The following PLXDC2 variants were observed in gnomAD, a reference collection of about 807,000 sequenced individuals.
PLXDC2 encodes the protein plexin domain-containing protein 2.
Under a neutral mutation model 68.9 loss-of-function variants are expected in PLXDC2, and 40 were observed. The ratio of observed to expected loss-of-function variants is 0.58; its 90% CI spans 0.45 to 0.76. The LOEUF (loss-of-function observed/expected upper bound fraction) is 0.76, where lower values mean the gene tolerates loss of function less well. PLXDC2 is among the 30% of genes least tolerant of loss of function. The pLI, the probability that PLXDC2 is intolerant of heterozygous loss-of-function variation, is 0.00. For synonymous variants in PLXDC2, 243 were observed against 234.2 expected (o/e 1.04, Z -0.34); for missense variants, 644 against 661.9 (o/e 0.97, Z 0.30).
At chr10:19,917,351 AG>A (rs1437669623) in intron 1 of PLXDC2, among the ~76,000 whole-genome samples, 3 of 152,160 alleles carry the variant, frequency 2.0e-5, no homozygotes, top group East Asian at 3.9e-4. Flanking sequence ...AAGCTCAGCC[AG>A]GCTACCTTAT....
rs1836065289 is a variant in PLXDC2 at position 20,280,291 on chromosome 10, C to G, written c.*472C>G. The stretch of plus-strand genomic sequence containing the variant: ...AGCAATGATGAATGTCTCAAGATTG[C>G]TAAGAAAAACAGCCCATGCAAGAGT... On this transcript the variant is annotated 3_prime_UTR_variant, in exon 14 of 14. Coordinates refer to ENST00000377252, the MANE Select transcript of PLXDC2 (RefSeq NM_032812.9). The G allele has an allele frequency of 6.5e-6, 1 of 153,292 alleles. No homozygotes were observed. The highest frequency in any genetic ancestry group is 1.5e-5 in the Non-Finnish European group (1 of 68,624). The allele number at this position is 153,292 out of a possible 1,614,324, so 9.5% of individuals were successfully genotyped here.
intron 9 of PLXDC2, among the ~76,000 whole-genome samples, chr10:20,194,616 C>A (rs1488868921): frequency 6.6e-6 from 1 of 151,570 alleles, no homozygotes; most frequent in East Asian, 1.9e-4. Context: ...AAAGAAATAT[C>A]TTTTTTGAGG....
At chr10:20,232,688 A>C (rs1835381145) in intron 12 of PLXDC2, among the ~76,000 whole-genome samples, 2 of 152,204 alleles carry the variant, frequency 1.3e-5, no homozygotes, top group African/African-American at 4.8e-5. Flanking sequence ...AATCTACAAT[A>C]ATGGAAATCA....
intron 1 of PLXDC2, among the ~76,000 whole-genome samples, chr10:19,856,814 C>T (rs1004514688): frequency 2.0e-5 from 3 of 152,082 alleles, no homozygotes; most frequent in African/African-American, 7.2e-5. Context: ...ATTTCACAAG[C>T]GTTCTTAAAT....
chr10:20,164,765 C>G (rs749439322), intron 7 of PLXDC2, among the ~76,000 whole-genome samples, 198 bp downstream of exon 7: 1 of 152,098 alleles, frequency 6.6e-6, no homozygotes, highest in Non-Finnish European at 1.5e-5. Flanking sequence ...CAGGTAAAGA[C>G]AAATTAAATA....
chr10:20,001,230 T>C (rs987826499), intron 1 of PLXDC2, among the ~76,000 whole-genome samples: 6 of 152,344 alleles, frequency 3.9e-5, no homozygotes, highest in Admixed American at 2.0e-4. Context: ...GACTGGCTTG[T>C]AAGCTACAAG....
At chr10:20,273,705 T>C (rs1200619029) in intron 13 of PLXDC2, among the ~76,000 whole-genome samples, 1 of 152,096 alleles carries the variant, frequency 6.6e-6, no homozygotes, top group Non-Finnish European at 1.5e-5. Context: ...TGACTTGTAA[T>C]CTGTAGGTGG....
At chr10:20,233,617 A>C (rs1835393399) in intron 12 of PLXDC2, among the ~76,000 whole-genome samples, 1 of 152,078 alleles carries the variant, frequency 6.6e-6, no homozygotes, top group Admixed American at 6.6e-5. Flanking sequence ...GTTTCTAAGG[A>C]ATGTAGCTGG....
At chr10:20,207,007 A>T (rs1022717147) in intron 9 of PLXDC2, among the ~76,000 whole-genome samples, 1 of 152,094 alleles carries the variant, frequency 6.6e-6, no homozygotes, top group African/African-American at 2.4e-5. Flanking sequence ...TCACACACAC[A>T]TTCTTGTGCT....
chr10:20,126,381 A>G (rs1232414435), intron 4 of PLXDC2, among the ~76,000 whole-genome samples: 1 of 146,652 alleles, frequency 6.8e-6, no homozygotes, highest in Admixed American at 6.9e-5. Flanking sequence ...ATATATACAT[A>G]TGTGTTATAT....
intron 1 of PLXDC2, among the ~76,000 whole-genome samples, chr10:19,855,814 G>A (rs555498780): frequency 1.1e-3 from 170 of 152,268 alleles, no homozygotes; most frequent in Non-Finnish European, 1.9e-3. Flanking sequence ...GGCCGGGCTC[G>A]GTGGCTCACG....
intron 1 of PLXDC2, among the ~76,000 whole-genome samples, chr10:19,825,311 G>A (rs898617478): frequency 6.6e-6 from 1 of 152,148 alleles, no homozygotes; most frequent in Non-Finnish European, 1.5e-5. Flanking sequence ...TGGAGAGAAT[G>A]TTAAGAGTTT....
intron 5 of PLXDC2, among the ~76,000 whole-genome samples, chr10:20,146,981 A>G (rs1834089215): frequency 6.6e-6 from 1 of 152,344 alleles, no homozygotes; most frequent in Non-Finnish European, 1.5e-5. Context: ...TAGAGTGAAG[A>G]AAAAGTCTTA....
At chr10:20,195,218 C>T (rs1279312111) in intron 9 of PLXDC2, among the ~76,000 whole-genome samples, 1 of 152,076 alleles carries the variant, frequency 6.6e-6, no homozygotes, top group Admixed American at 6.6e-5. Context: ...GTCTATCTCT[C>T]CTCCATTGAA....
chr10:20,200,282 G>T (rs954831307), intron 9 of PLXDC2, among the ~76,000 whole-genome samples: 3 of 151,904 alleles, frequency 2.0e-5, no homozygotes, highest in Non-Finnish European at 2.9e-5. Flanking sequence ...ATAAGTGATT[G>T]TACAGTTTAA....
intron 9 of PLXDC2, among the ~76,000 whole-genome samples, chr10:20,194,601 T>C (rs569132110): frequency 1.2e-4 from 18 of 152,068 alleles, no homozygotes; most frequent in Admixed American, 5.9e-4. Flanking sequence ...AAAGTCAATT[T>C]CATTAAAGAA....
intron 13 of PLXDC2, among the ~76,000 whole-genome samples, chr10:20,265,284 C>T (rs1304702267): frequency 6.6e-6 from 1 of 152,208 alleles, no homozygotes. Context: ...AGAAAGACAT[C>T]ATACAAGCAC....
chr10:20,139,438 G>A (rs1564329756), intron 4 of PLXDC2, among the ~76,000 whole-genome samples: 1 of 152,240 alleles, frequency 6.6e-6, no homozygotes, highest in Non-Finnish European at 1.5e-5. Context: ...CACATAGTAA[G>A]CAAAGGAGAC....
intron 4 of PLXDC2, among the ~76,000 whole-genome samples, chr10:20,114,497 G>A (rs1282816410): frequency 6.6e-6 from 1 of 152,140 alleles, no homozygotes; most frequent in African/African-American, 2.4e-5. Flanking sequence ...GGTGAGAGAG[G>A]GGAATAGACC....
Sources: allele counts gnomAD v4.1 joint callset (sites outside exome capture counted in the v4.1 genomes callset), GRCh38; gene constraint gnomAD v4.1.1; transcripts MANE v1.5; gene names NCBI Gene and HGNC (gene_info 2026-07-23, HGNC 2026-07-21).